The following SYTL5 variants were observed in gnomAD, a reference collection of about 807,000 sequenced individuals.
SYTL5 encodes the protein synaptotagmin-like protein 5.
A neutral mutation model predicts 55.9 loss-of-function variants in SYTL5; 34 were observed. The ratio of observed to expected loss-of-function variants is 0.61; its 90% confidence interval spans 0.46 to 0.81. The LOEUF is 0.81. Ranked by LOEUF, SYTL5 falls within the 30% of genes least tolerant of loss-of-function variation. The pLI, the probability that SYTL5 is intolerant of heterozygous loss-of-function variation, is 0.00. For missense variants in SYTL5, 637 were observed against 546.7 expected (o/e 1.17, Z -1.65); for synonymous variants, 221 against 188.7 (o/e 1.17, Z -1.40).
the SYTL5 span, among the ~76,000 whole-genome samples, chrX:37,984,407 G>A: frequency 9.0e-6 from 1 of 111,274 alleles, no homozygotes; most frequent in Non-Finnish European, 1.9e-5. Context: ...TACTAGAAAG[G>A]CATAAACTAC....
chrX:38,056,188 C>T (rs190973416), intron 3 of SYTL5, among the ~76,000 whole-genome samples: 60 of 111,824 alleles, frequency 5.4e-4, no homozygotes, highest in African/African-American at 1.9e-3. Context: ...TAATTTTTAG[C>T]TCCCACAAAT....
intron 1 of SYTL5, among the ~76,000 whole-genome samples, chrX:38,008,158 A>G (rs1397110639): frequency 8.9e-6 from 1 of 111,866 alleles, no homozygotes; most frequent in African/African-American, 3.2e-5. Context: ...ATGATGATGT[A>G]TCTTATGACT....
At chrX:37,990,750 A>G in the SYTL5 span, 6 of 1,102,105 alleles carry the variant, frequency 5.4e-6, no homozygotes, top group Non-Finnish European at 7.1e-6. Context: ...AGAGGGATAC[A>G]ATAGGCAGGA....
At chrX:37,984,178 AT>A in the SYTL5 span, among the ~76,000 whole-genome samples, 1 of 112,010 alleles carries the variant, frequency 8.9e-6, no homozygotes, top group Middle Eastern at 4.6e-3. Context: ...ATTCAAAAAA[AT>A]AGAGAAAATT....
the SYTL5 span, among the ~76,000 whole-genome samples, chrX:37,953,388 A>T: frequency 8.9e-6 from 1 of 111,748 alleles, no homozygotes; most frequent in Admixed American, 9.5e-5. Context: ...TCAACAAATA[A>T]GAATTTGATT....
the SYTL5 span, among the ~76,000 whole-genome samples, chrX:37,977,931 C>T: frequency 9.0e-6 from 1 of 110,832 alleles, no homozygotes; most frequent in African/African-American, 3.3e-5. Flanking sequence ...GGAGAGAACA[C>T]CTAGACTTTA....
chrX:37,937,268 A>T, the SYTL5 span, among the ~76,000 whole-genome samples: 1 of 110,658 alleles, frequency 9.0e-6, no homozygotes, highest in East Asian at 2.8e-4. Context: ...TAATCTAAAC[A>T]CATGGGCCCT....
intron 6 of SYTL5, among the ~76,000 whole-genome samples, chrX:38,080,084 G>A (rs1323625388): frequency 3.6e-5 from 4 of 111,182 alleles, no homozygotes; most frequent in East Asian, 2.8e-4. Flanking sequence ...AAACTCCAGG[G>A]CATTTCTAGG....
intron 6 of SYTL5, among the ~76,000 whole-genome samples, chrX:38,076,936 G>A (rs1443832200): frequency 3.6e-5 from 4 of 111,658 alleles, no homozygotes; most frequent in African/African-American, 1.3e-4. Flanking sequence ...TTTATATTCT[G>A]GCACTTGGGG....
chrX:37,904,363 G>C, the SYTL5 span, among the ~76,000 whole-genome samples: 6 of 107,128 alleles, frequency 5.6e-5, no homozygotes, highest in Non-Finnish European at 1.2e-4. Context: ...AATGCAGAGT[G>C]GGGGGGACTT....
intron 2 of SYTL5, among the ~76,000 whole-genome samples, chrX:38,041,074 A>G (rs78583372): frequency 0.13 from 14,671 of 111,241 alleles, 1,661 homozygotes; most frequent in African/African-American, 0.34. Context: ...ACCCCAGCCT[A>G]GTAACTCCCA....
the SYTL5 span, among the ~76,000 whole-genome samples, chrX:37,917,937 T>A: frequency 8.9e-6 from 1 of 111,904 alleles, no homozygotes; most frequent in Non-Finnish European, 1.9e-5. Flanking sequence ...TCCAAGATTT[T>A]TTTCTGGTGT....
At chrX:37,965,107 C>G in the SYTL5 span, among the ~76,000 whole-genome samples, 4 of 110,602 alleles carry the variant, frequency 3.6e-5, no homozygotes, top group African/African-American at 1.3e-4. Flanking sequence ...TTTCTTCTAA[C>G]ATTTGTCTCA....
At chrX:37,920,474 C>T in the SYTL5 span, among the ~76,000 whole-genome samples, 1 of 110,735 alleles carries the variant, frequency 9.0e-6, no homozygotes, top group Non-Finnish European at 1.9e-5. Context: ...AACTACTGGA[C>T]TCTAGTGATA....
intron 2 of SYTL5, among the ~76,000 whole-genome samples, chrX:38,040,858 G>C (rs1935265067): frequency 9.0e-6 from 1 of 111,572 alleles, no homozygotes. Flanking sequence ...TGGATCATAT[G>C]GTAGATCAAT....
intron 13 of SYTL5, among the ~76,000 whole-genome samples, chrX:38,117,000 G>C (rs747960032): frequency 3.4e-4 from 38 of 112,161 alleles, no homozygotes; most frequent in Non-Finnish European, 6.6e-4. Flanking sequence ...TCTGTCTTTT[G>C]TGTCCCCACA....
At chrX:38,037,461 G>A (rs1224806223) in intron 2 of SYTL5, among the ~76,000 whole-genome samples, 13 of 112,007 alleles carry the variant, frequency 1.2e-4, no homozygotes, top group East Asian at 2.8e-4. Context: ...AGTAAAGTTC[G>A]TTTCAGGGGA....
intron 2 of SYTL5, among the ~76,000 whole-genome samples, chrX:38,053,881 C>T (rs1935691447): frequency 8.9e-6 from 1 of 112,050 alleles, no homozygotes; most frequent in Non-Finnish European, 1.9e-5. Context: ...AAAAGTAAAA[C>T]ACAAACATTT....
chrX:38,051,650 C>A (rs1053310909), intron 2 of SYTL5, among the ~76,000 whole-genome samples: 1 of 111,326 alleles, frequency 9.0e-6, no homozygotes, highest in African/African-American at 3.3e-5. Flanking sequence ...CTTTTCTCTT[C>A]CCCTACTAAG....
Sources: allele counts gnomAD v4.1 joint callset (sites outside exome capture counted in the v4.1 genomes callset), GRCh38; gene constraint gnomAD v4.1.1; transcripts MANE v1.5; gene names NCBI Gene and HGNC (gene_info 2026-07-23, HGNC 2026-07-21).